Variants in DCAF5 observed in about 807,000 individuals in gnomAD.
DCAF5 encodes the protein DDB1- and CUL4-associated factor 5.
Under a neutral mutation model 80.7 loss-of-function variants are expected in DCAF5, and 9 were observed. The observed-to-expected ratio is 0.11, with a 90% CI of 0.07 to 0.19. The LOEUF is 0.19. DCAF5 is among the 10% of genes least tolerant of loss of function. The pLI, the probability that DCAF5 is intolerant of heterozygous loss-of-function variation, is 1.00. For missense variants in DCAF5, 842 were observed against 1,205.7 expected (o/e 0.70, Z 4.47); for synonymous variants, 433 against 461.9 (o/e 0.94, Z 0.80).
chr14:69,100,898 G>GA (rs2039930179), intron 5 of DCAF5, among the ~76,000 whole-genome samples: 1 of 152,142 alleles, frequency 6.6e-6, no homozygotes. Flanking sequence ...TTACAAAATA[G>GA]AAAGTTCAAA....
chr14:69,103,235 T>C (rs1382576426), intron 5 of DCAF5, among the ~76,000 whole-genome samples: 1 of 152,186 alleles, frequency 6.6e-6, no homozygotes, highest in Non-Finnish European at 1.5e-5. Context: ...TAATGCCATA[T>C]ATTTTTCTAC....
intron 1 of DCAF5, among the ~76,000 whole-genome samples, chr14:69,127,108 C>T (rs1034700310): frequency 6.6e-6 from 1 of 152,174 alleles, no homozygotes; most frequent in African/African-American, 2.4e-5. Flanking sequence ...GTACTCTTAT[C>T]ACGCAATCCA....
chr14:69,092,510 C>T (rs923496728), intron 5 of DCAF5, among the ~76,000 whole-genome samples: 2 of 152,070 alleles, frequency 1.3e-5, no homozygotes, highest in African/African-American at 4.8e-5. Flanking sequence ...CCCAGCTGCT[C>T]AGGAGGCTGA....
Position 69,091,826 on chromosome 14 carries a change from T to G in DCAF5, c.727A>C (p.Ser243Arg). The G allele has an allele frequency of 6.2e-7, 1 of 1,614,100 alleles. No individual in the cohort carries two copies. Among genetic ancestry groups the G allele is most frequent in the African/African-American group, 1.3e-5 (1 of 75,048 alleles). Residue 243 changes from serine (S) to arginine (R), a missense_variant, in exon 6 of 9, where the codon AGC becomes CGC. Coordinates refer to ENST00000341516, the MANE Select transcript of DCAF5 (RefSeq NM_003861.3). ...LQSAMSVRFN[S>R]NGTQLLALRR... is the part of the protein sequence containing the mutation. ...AGGGCCAGGAGCTGGGTCCCGTTGC[T>G]GTTGAATCGTACACTCATGGCACTT...
chr14:69,148,126 A>T (rs1047694545), intron 1 of DCAF5, among the ~76,000 whole-genome samples: 41 of 151,502 alleles, frequency 2.7e-4, no homozygotes, highest in Non-Finnish European at 4.4e-5. Context: ...AAAAAACTTT[A>T]AACAAACATA....
At chr14:69,075,739 C>G (rs1169034424) in intron 6 of DCAF5, among the ~76,000 whole-genome samples, 6 of 152,184 alleles carry the variant, frequency 3.9e-5, no homozygotes, top group African/African-American at 1.2e-4. Flanking sequence ...TGGCCTTGGC[C>G]TCCCAAAGTG....
intron 7 of DCAF5, among the ~76,000 whole-genome samples, 154 bp from the exon 8 acceptor site, chr14:69,062,665 AAG>A (rs67864729): frequency 0.063 from 9,520 of 152,286 alleles, 993 homozygotes; most frequent in African/African-American, 0.22. Flanking sequence ...TTGCTATGGA[AAG>A]AGAGAAGATG....
At chr14:69,119,288 T>C (rs1003653077) in intron 2 of DCAF5, 58 bp from the exon 3 acceptor site, 1 of 1,560,866 alleles carries the variant, frequency 6.4e-7, no homozygotes, top group Non-Finnish European at 8.7e-7. Flanking sequence ...CTGTCCACAT[T>C]ACAATTTAGT....
chr14:69,133,552 G>T (rs1377308134), intron 1 of DCAF5, among the ~76,000 whole-genome samples: 1 of 150,264 alleles, frequency 6.7e-6, no homozygotes, highest in Admixed American at 6.6e-5. Flanking sequence ...GCAGGGAAGA[G>T]GCGGGGGTAC....
chr14:69,072,667 T>C (rs990702277), intron 7 of DCAF5, among the ~76,000 whole-genome samples: 1 of 143,248 alleles, frequency 7.0e-6, no homozygotes, highest in East Asian at 2.0e-4. Flanking sequence ...AAAAAAAATG[T>C]GGGTGGGATC....
At chr14:69,103,067 T>A (rs2040019840) in intron 5 of DCAF5, among the ~76,000 whole-genome samples, 1 of 152,216 alleles carries the variant, frequency 6.6e-6, no homozygotes, top group Non-Finnish European at 1.5e-5. Flanking sequence ...GGGACTTTTG[T>A]CATACATGTG....
At chr14:69,096,490 A>C (rs998033185) in intron 5 of DCAF5, among the ~76,000 whole-genome samples, 7 of 152,226 alleles carry the variant, frequency 4.6e-5, no homozygotes, top group Non-Finnish European at 8.8e-5. Flanking sequence ...CTGTAAAGAA[A>C]TCTTTATATA....
chr14:69,110,067 A>G (rs142883023), intron 5 of DCAF5, among the ~76,000 whole-genome samples: 3 of 152,192 alleles, frequency 2.0e-5, no homozygotes, highest in African/African-American at 4.8e-5. Context: ...CATGAGTGAT[A>G]AAGTTCAGTA....
chr14:69,072,255 G>A (rs1242150798), intron 7 of DCAF5, among the ~76,000 whole-genome samples: 2 of 152,032 alleles, frequency 1.3e-5, no homozygotes, highest in African/African-American at 4.8e-5. Flanking sequence ...AATATTATGA[G>A]CATGTTATAG....
In DCAF5 at chr14:69,152,995, CCGCCGCTCG is replaced by C; in HGVS notation, c.-26_-18del. ...CCTCTTCATGCTGGAACCGCCGCCG[CCGCCGCTCG>C]CGCCGCCGCCCCTCCCTCGGCCTCA... On this transcript the variant is annotated 5_prime_UTR_variant, in exon 1 of 9. Transcript: ENST00000341516. This position sits in a 1 kb window ranked among gnomAD's most constrained non-coding sequence, Gnocchi z 4.1. 1 of 1,543,510 alleles carries C rather than the reference CCGCCGCTCG, an allele frequency of 6.5e-7. No homozygotes were observed. Among genetic ancestry groups the C allele is most frequent in the South Asian group, 1.2e-5 (1 of 83,770 alleles).
In DCAF5 at chr14:69,054,506, C is replaced by G; in HGVS notation, c.2180G>C (p.Gly727Ala). 1.2e-6 allele frequency: 2 copies of G among 1,614,172 alleles called. No homozygotes were observed. Among genetic ancestry groups the G allele is most frequent in the Non-Finnish European group, 1.7e-6 (2 of 1,180,032 alleles). Residue 727 changes from glycine to alanine, a missense_variant, in exon 9 of 9, where the codon GGC (glycine) becomes GCC (alanine). Transcript: ENST00000341516. Reference sequence around the variant, plus strand: ...TTCTTTAAAAGTGTCCTTGCTGCAGCCTTCAGGTGGCAGGTCCTGGTTCCT... The same window carrying G: ...TTCTTTAAAAGTGTCCTTGCTGCAGGCTTCAGGTGGCAGGTCCTGGTTCCT... ...AQRNQDLPPEGCSKDTFKEET... is the reference protein window; with the variant it reads ...AQRNQDLPPEACSKDTFKEET...
intron 7 of DCAF5, among the ~76,000 whole-genome samples, chr14:69,064,430 G>A (rs186810126): frequency 5.7e-4 from 87 of 152,198 alleles, no homozygotes; most frequent in African/African-American, 1.9e-3. Flanking sequence ...AAAAGAGGGG[G>A]GATGTGGGGG....
At chr14:69,105,266 C>A (rs1050110364) in intron 5 of DCAF5, among the ~76,000 whole-genome samples, 4 of 151,982 alleles carry the variant, frequency 2.6e-5, no homozygotes, top group African/African-American at 9.7e-5. Flanking sequence ...AATGGATAAA[C>A]AAAATGTGTA....
At chr14:69,095,577 A>T (rs933840801) in intron 5 of DCAF5, among the ~76,000 whole-genome samples, 1 of 152,118 alleles carries the variant, frequency 6.6e-6, no homozygotes, top group African/African-American at 2.4e-5. Flanking sequence ...AAACCACTCA[A>T]TTGGACTTCT....
Sources: gnomAD v4.1 joint callset for allele counts (sites outside exome capture counted in the v4.1 genomes callset) on GRCh38, gnomAD v4.1.1 for gene constraint, Gnocchi (gnomAD v3.1) non-coding constraint, MANE v1.5 for transcripts, NCBI Gene and HGNC (gene_info 2026-07-23, HGNC 2026-07-21) for gene names.